Variants in GUCY2D observed in about 807,000 individuals in gnomAD.
GUCY2D encodes the protein retinal guanylyl cyclase 1.
Under a neutral mutation model 101.3 loss-of-function variants are expected in GUCY2D, and 70 were observed. The ratio of observed to expected loss-of-function variants is 0.69; its 90% CI spans 0.57 to 0.84. GUCY2D has a LOEUF of 0.84. Ranked by LOEUF, GUCY2D falls within the 40% of genes least tolerant of loss-of-function variation. GUCY2D has a pLI of 0.00. For missense variants in GUCY2D, 1,460 were observed against 1,542.5 expected (o/e 0.95, Z 0.90); for synonymous variants, 688 against 670.7 (o/e 1.03, Z -0.40).
Position 8,013,041 on chromosome 17 carries a change from G to A in GUCY2D, c.2114-62G>A. On this transcript the variant is annotated intron_variant, in intron 10 of 19. Transcript: ENST00000254854. This position sits in a 1 kb window ranked among gnomAD's most constrained non-coding sequence, Gnocchi z 5.0. ...TTGGTGGTGTCTGGGTGCCAACCTGGGCTTTCTGGTGAGGGTGGGAGTCTT... is the reference window on the plus strand; with the variant it reads ...TTGGTGGTGTCTGGGTGCCAACCTGAGCTTTCTGGTGAGGGTGGGAGTCTT... The A allele has an allele frequency of 1.3e-6, 2 of 1,547,392 alleles. No individual in the cohort carries two copies. Among genetic ancestry groups the A allele is most frequent in the South Asian group, 1.1e-5 (1 of 88,128 alleles).
chr17:8,015,627 C>T, intron 15 of GUCY2D, 116 bp from the exon 16 acceptor site: 1 of 1,189,138 alleles, frequency 8.4e-7, no homozygotes, highest in South Asian at 1.3e-5. Context: ...ATGCACTTAA[C>T]AAGGCTTATT....
Position 8,007,945 on chromosome 17 carries a change from T to C in GUCY2D, c.1581T>C (p.Ser527=). ...CTACCTGCTAGGTGGCCCAGGGGAG[T>C]CGATCAAGTCTGGGTGCCCGCAGCA... ...GGTSRKVAQG[S]RSSLGARSMS... The change falls in exon 7 of 20, where the codon AGT becomes AGC. Residue 527 remains serine, a synonymous_variant. Transcript: ENST00000254854. 1 of 1,611,668 alleles carries C rather than the reference T, an allele frequency of 6.2e-7. No individual in the cohort carries two copies. The highest frequency in any genetic ancestry group is 1.3e-5 in the African/African-American group (1 of 74,818).
intron 7 of GUCY2D, among the ~76,000 whole-genome samples, chr17:8,009,052 C>T (rs1975798642): frequency 6.6e-6 from 1 of 152,216 alleles, no homozygotes; most frequent in African/African-American, 2.4e-5. Context: ...GGTCCCATGC[C>T]TGTGAACCGG....
Position 8,003,670 on chromosome 17 carries a change from G to A in GUCY2D, c.623G>A (p.Arg208Gln), listed in dbSNP as rs765369504. 1.3e-6 allele frequency: 2 copies of A among 1,595,658 alleles called. No individual in the cohort carries two copies. Among genetic ancestry groups the A allele is most frequent in the Non-Finnish European group, 1.7e-6 (2 of 1,178,472 alleles). ...GRSLSTALRARGLPVASVTSM... is the reference protein window; with the variant it reads ...GRSLSTALRAQGLPVASVTSM... ...TCACTGTCCACGGCACTCAGGGCCC[G>A]GGGCCTGCCTGTCGCCTCCGTGACT... The change falls in exon 2 of 20, where the codon CGG becomes CAG. Residue 208 changes from arginine to glutamine, a missense_variant. Around this residue, in one of 3 missense-constraint regions of GUCY2D, gnomAD observed 1,196 missense variants for 1,229.6 expected, o/e 0.97. Coordinates refer to ENST00000254854, the MANE Select transcript of GUCY2D (RefSeq NM_000180.4).
rs1975867594 is a variant in GUCY2D at position 8,012,296 on chromosome 17, A to G, written c.1902A>G (p.Arg634=). 6.2e-7 allele frequency: 1 copy of G among 1,613,550 alleles called. No individual in the cohort carries two copies. The highest frequency in any genetic ancestry group is 1.7e-5 in the Admixed American group (1 of 59,974). Residue 634 remains arginine, a synonymous_variant, in exon 9 of 20, where the codon AGA becomes AGG. Transcript: ENST00000254854. ...RGSLQDLLAQ[R]EIKLDWMFKS... ...CTCTTCAGGACCTCCTCGCTCAGAGAGAAATAAAGCTGGACTGGATGTTCA... is the reference window on the plus strand; with the variant it reads ...CTCTTCAGGACCTCCTCGCTCAGAGGGAAATAAAGCTGGACTGGATGTTCA...
chr17:8,007,270 G>T (rs1975763633), intron 5 of GUCY2D, 126 bp downstream of exon 5: 1 of 923,990 alleles, frequency 1.1e-6, no homozygotes. Flanking sequence ...AGGGTGTTCT[G>T]GTGGGCTGGT....
Position 8,003,468 on chromosome 17 carries a change from G to C in GUCY2D, c.421G>C (p.Glu141Gln), listed in dbSNP as rs1202782880. The C allele has an allele frequency of 1.3e-6, 2 of 1,522,510 alleles. No individual in the cohort carries two copies. Among genetic ancestry groups the C allele is most frequent in the South Asian group, 2.4e-5 (2 of 83,086 alleles). 94.3% of individuals were successfully genotyped at this position (1,522,510 alleles called of 1,614,324 possible). A position where few individuals can be genotyped will look rare whatever the true frequency, so the allele number is the denominator to read the frequency against. Residue 141 changes from glutamate (E) to glutamine (Q), a missense_variant, in exon 2 of 20, where the codon GAA becomes CAA. Around this residue, in one of 3 missense-constraint regions of GUCY2D, gnomAD observed 1,196 missense variants for 1,229.6 expected, o/e 0.97. Transcript: ENST00000254854. ...AACRPAELLA[E>Q]EAGIALVPWG... ...CTGCCGGCCAGCCGAGCTGCTCGCCGAAGAAGCCGGGATCGCGCTGGTGCC... is the reference window on the plus strand; with the variant it reads ...CTGCCGGCCAGCCGAGCTGCTCGCCCAAGAAGCCGGGATCGCGCTGGTGCC...
chr17:8,014,328 G>A lies in GUCY2D; in HGVS notation c.2413-273G>A, dbSNP rs1341221226. ...GCTGTGACAGAAAGACCCTTGGCCT[G>A]GGAGCCCAACGATTGGGCTGGCTCC... On this transcript the variant is annotated intron_variant, in intron 12 of 19. Transcript: ENST00000254854. This position sits in a 1 kb window ranked among gnomAD's most constrained non-coding sequence, Gnocchi z 4.0. The A allele has an allele frequency of 5.0e-6, 3 of 602,050 alleles. No individual in the cohort carries two copies. Among genetic ancestry groups the A allele is most frequent in the South Asian group, 3.9e-5 (2 of 51,452 alleles). 37.3% of individuals were successfully genotyped at this position (602,050 alleles called of 1,614,324 possible). A position where few individuals can be genotyped will look rare whatever the true frequency, so the allele number is the denominator to read the frequency against.
intron 7 of GUCY2D, 87 bp from the exon 8 acceptor site, chr17:8,009,419 A>G: frequency 1.2e-6 from 1 of 857,258 alleles, no homozygotes; most frequent in South Asian, 1.3e-5. Flanking sequence ...ACAGTGAGCC[A>G]ATGGAAATGA....
intron 8 of GUCY2D, 131 bp downstream of exon 8, chr17:8,009,717 GT>G: frequency 2.8e-6 from 2 of 719,906 alleles, no homozygotes; most frequent in Non-Finnish European, 5.1e-6. Context: ...GCTCATACGT[GT>G]AATCCTGGCA....
intron 16 of GUCY2D, 23 bp from the exon 17 acceptor site, chr17:8,015,904 C>A: frequency 6.3e-7 from 1 of 1,597,130 alleles, no homozygotes; most frequent in Non-Finnish European, 8.5e-7. Context: ...GTCCCGAGCT[C>A]ACGGCGTCCC....
chr17:8,002,869 C>CTTCG lies in GUCY2D; in HGVS notation c.-10+136_-10+139dup. On this transcript the variant is annotated intron_variant, in intron 1 of 19. Transcript: ENST00000254854. This position sits in a 1 kb window ranked among gnomAD's most constrained non-coding sequence, Gnocchi z 4.9. The stretch of plus-strand genomic sequence containing the variant: ...GGGAAGCCGGGGCGGCAGAAGGGGG[C>CTTCG]TTCGGGGCGGTGTCCTTGGCCCCAG... The CTTCG allele has an allele frequency of 1.8e-6, 1 of 559,190 alleles. No individual in the cohort carries two copies. The highest frequency in any genetic ancestry group is 3.4e-5 in the East Asian group (1 of 29,254). The allele number at this position is 559,190 out of a possible 1,614,324, so 34.6% of individuals were successfully genotyped here. A position where few individuals can be genotyped will look rare whatever the true frequency, so the allele number is the denominator to read the frequency against.
rs1975668919 is a variant in GUCY2D at position 8,003,312 on chromosome 17, G to A, written c.265G>A (p.Gly89Ser). 1.8e-5 allele frequency: 27 copies of A among 1,484,348 alleles called. No homozygotes were observed. The highest frequency in any genetic ancestry group is 2.9e-5 in the East Asian group (1 of 35,038). The allele number at this position is 1,484,348 out of a possible 1,614,324, so 91.9% of individuals were successfully genotyped here. ...CGCCGCCCGCCTGAACCGCGACCCC[G>A]GCCTGGCAGGCGGTCCCCGCTTCGA... Reference protein sequence around the residue: ...LAAARLNRDPGLAGGPRFEVA... With the variant: ...LAAARLNRDPSLAGGPRFEVA... Residue 89 changes from glycine (G) to serine (S), a missense_variant, in exon 2 of 20, where the codon GGC becomes AGC. Gly to Ser is a moderately conservative substitution (Grantham distance 56). This residue lies in a region of GUCY2D where 1,196 missense variants were observed against 1,229.6 expected (regional missense o/e 0.97). Transcript: ENST00000254854.
chr17:8,006,135 AGAGGGAGGAAGAGAGAGCCAGTGGG>A (rs1473177511), intron 3 of GUCY2D, among the ~76,000 whole-genome samples: 2 of 151,526 alleles, frequency 1.3e-5, no homozygotes. Flanking sequence ...AGCCAATAGG[AGAGGGAGGAAGAGAGAGCCAGTGGG>A]GAGGGAGGAA....
At chr17:8,017,759 C>T (rs1023146876) in intron 19 of GUCY2D, among the ~76,000 whole-genome samples, 1 of 152,102 alleles carries the variant, frequency 6.6e-6, no homozygotes, top group Non-Finnish European at 1.5e-5. Flanking sequence ...GTGACACAAT[C>T]TCGACTCATT....
intron 4 of GUCY2D, 117 bp downstream of exon 4, chr17:8,006,831 C>T (rs1242051288): frequency 1.0e-6 from 1 of 1,004,648 alleles, no homozygotes; most frequent in East Asian, 2.6e-5. Context: ...TAGGCCCTCT[C>T]CCAGCCTCTG....
intron 7 of GUCY2D, 105 bp downstream of exon 7, chr17:8,008,137 C>A: frequency 1.3e-6 from 1 of 756,472 alleles, no homozygotes; most frequent in Non-Finnish European, 2.3e-6. Context: ...ATGTCAAATC[C>A]TGCAGGCTCC....
chr17:8,016,674 A>C, intron 19 of GUCY2D, 120 bp downstream of exon 19: 2 of 604,880 alleles, frequency 3.3e-6, no homozygotes, highest in South Asian at 2.0e-5. Context: ...TGGTTCCTAA[A>C]CCCCGGGGCT....
Position 8,014,798 on chromosome 17 carries a change from G to GGGGGGGGGGGC in GUCY2D, c.2576+34_2576+35insGGGGGGGGGGC. On this transcript the variant is annotated intron_variant, in intron 13 of 19. Transcript: ENST00000254854. The surrounding 1 kb of genome is among the most constrained non-coding windows in gnomAD (Gnocchi z 4.0). ...CAGTGGGAAGGGGTGGGCTGGGAGG[G>GGGGGGGGGGGC]CAGCTGGAGCCCAGCCAGGTAGAGT... The GGGGGGGGGGGC allele has an allele frequency of 1.8e-6, 1 of 558,640 alleles. No homozygotes were observed. Among genetic ancestry groups the GGGGGGGGGGGC allele is most frequent in the Non-Finnish European group, 3.5e-6 (1 of 284,628 alleles). The allele number at this position is 558,640 out of a possible 1,614,324, so 34.6% of individuals were successfully genotyped here. A position where few individuals can be genotyped will look rare whatever the true frequency, so the allele number is the denominator to read the frequency against.
Sources: gnomAD v4.1 joint callset for allele counts (sites outside exome capture counted in the v4.1 genomes callset) on GRCh38, gnomAD v4.1.1 for gene constraint, gnomAD v4.1.1 regional missense constraint, Gnocchi (gnomAD v3.1) non-coding constraint, MANE v1.5 for transcripts, NCBI Gene and HGNC (gene_info 2026-07-23, HGNC 2026-07-21) for gene names.